SV2B: variants seen among roughly 807,000 people sequenced by gnomAD.
The protein encoded by SV2B is solute carrier family 22 member B2.
In SV2B, 41 loss-of-function variants were observed where a neutral mutation model predicts 73.9. The observed-to-expected ratio is 0.56, with a 90% CI of 0.43 to 0.72. The LOEUF (loss-of-function observed/expected upper bound fraction) is 0.72, where lower values mean the gene tolerates loss of function less well. Among genes scored for constraint, SV2B ranks in the 30% least tolerant of loss-of-function variants. The probability of loss-of-function intolerance (pLI) is 0.00; values close to 1 mark genes in which losing one functional copy is unlikely to be tolerated. For synonymous variants in SV2B, 314 were observed against 314.2 expected (o/e 1.00, Z 0.01); for missense variants, 764 against 857.8 (o/e 0.89, Z 1.37).
rs78804341 is a variant in SV2B, at chr15:91,258,325, G to A, written c.785-96G>A. On this transcript the variant is annotated intron_variant, in intron 4 of 12. Coordinates refer to ENST00000394232, the MANE Select transcript of SV2B (RefSeq NM_001323032.3). This position sits in a 1 kb window ranked among gnomAD's most constrained non-coding sequence, Gnocchi z 4.7. ...AACCACCTCCCCGGGTGACTCTCTT[G>A]TGCCCTGAAGTTTGTGAGCCAGGGC... 1.7e-5 allele frequency: 26 copies of A among 1,536,136 alleles called. No individual in the cohort carries two copies. The highest frequency in any genetic ancestry group is 5.3e-6 in the Non-Finnish European group (6 of 1,139,064).
rs956215393 is a variant in SV2B at position 91,137,277 on chromosome 15, T to A, written c.-392+36914T>A. Among the ~76,000 whole-genome samples the A allele has an allele frequency of 1.1e-4, 16 of 152,320 alleles. No individual in the cohort carries two copies. Among genetic ancestry groups the A allele is most frequent in the African/African-American group, 3.8e-4 (16 of 41,562 alleles). On this transcript the variant is annotated intron_variant, in intron 1 of 12. Coordinates refer to ENST00000394232, the MANE Select transcript of SV2B (RefSeq NM_001323032.3). The surrounding 1 kb of genome is among the most constrained non-coding windows in gnomAD (Gnocchi z 4.9). ...TAATCACCCCAGTTAATGAGTTGTT[T>A]AAGCCACCCTCATATTAGAGTCTAC...
At chr15:91,205,945 C>T (rs2045620959) in intron 1 of SV2B, among the ~76,000 whole-genome samples, 1 of 152,174 alleles carries the variant, frequency 6.6e-6, no homozygotes, top group Non-Finnish European at 1.5e-5. Context: ...AACTTTTCCC[C>T]TTGGCATGAT....
intron 1 of SV2B, among the ~76,000 whole-genome samples, chr15:91,208,904 C>G (rs533778256): frequency 6.6e-6 from 1 of 152,088 alleles, no homozygotes; most frequent in African/African-American, 2.4e-5. Flanking sequence ...CAATGGATTA[C>G]GTGGGTTTCC....
chr15:91,273,191 C>T (rs894936610), intron 9 of SV2B, among the ~76,000 whole-genome samples: 4 of 152,114 alleles, frequency 2.6e-5, no homozygotes, highest in African/African-American at 7.2e-5. Context: ...TAAAGCTCCT[C>T]GAAGATGCCA....
intron 1 of SV2B, among the ~76,000 whole-genome samples, chr15:91,209,983 T>C (rs573093108): frequency 3.9e-5 from 6 of 152,072 alleles, no homozygotes; most frequent in African/African-American, 1.2e-4. Context: ...CTAAGCTGAA[T>C]TGGGGAAGAG....
At chr15:91,191,713 A>G (rs981104575) in intron 1 of SV2B, among the ~76,000 whole-genome samples, 1 of 152,104 alleles carries the variant, frequency 6.6e-6, no homozygotes, top group Non-Finnish European at 1.5e-5. Flanking sequence ...TAACCTCTCC[A>G]TGTACTACTT....
intron 9 of SV2B, among the ~76,000 whole-genome samples, chr15:91,269,026 C>T (rs747646109): frequency 7.9e-5 from 12 of 152,038 alleles, no homozygotes; most frequent in Non-Finnish European, 1.5e-4. Context: ...ACAAATAAAG[C>T]CCTGTTGTTA....
At chr15:91,263,283 T>C (rs1385924060) in intron 6 of SV2B, among the ~76,000 whole-genome samples, 1 of 134,624 alleles carries the variant, frequency 7.4e-6, no homozygotes, top group Admixed American at 7.3e-5. Flanking sequence ...TGGACACACA[T>C]GAACACAGAC....
intron 1 of SV2B, among the ~76,000 whole-genome samples, chr15:91,148,824 A>G (rs920629502): frequency 6.6e-6 from 1 of 152,182 alleles, no homozygotes; most frequent in Non-Finnish European, 1.5e-5. Flanking sequence ...TCAGGCAGAG[A>G]GAATTCTTTC....
Position 91,261,677 on chromosome 15 carries a change from C to T in SV2B, c.1008+1268C>T, listed in dbSNP as rs1042002880. 4.6e-5 allele frequency among the ~76,000 whole-genome samples: 7 copies of T among 152,216 alleles called. No individual in the cohort carries two copies. The highest frequency in any genetic ancestry group is 8.8e-5 in the Non-Finnish European group (6 of 68,044). ...TACATTTCAACTGGGTTGTACCAAT[C>T]TACAATGCCACAGGCAATAGAGGAC... On this transcript the variant is annotated intron_variant, in intron 6 of 12. Transcript: ENST00000394232. This position sits in a 1 kb window ranked among gnomAD's most constrained non-coding sequence, Gnocchi z 4.7.
chr15:91,191,793 A>T (rs940665907), intron 1 of SV2B, among the ~76,000 whole-genome samples: 6 of 152,344 alleles, frequency 3.9e-5, no homozygotes, highest in Admixed American at 2.0e-4. Context: ...TGAGAATCTC[A>T]TCTTTTAATC....
Position 91,281,723 on chromosome 15 carries a change from C to A in SV2B, c.1374-5C>A, listed in dbSNP as rs368474280. ...AATCACTCAAGGGTCAACCTCTTCC[C>A]ACAGGTTCACAAGAATGTACTTTAA... On this transcript the variant is annotated splice_polypyrimidine_tract_variant and splice_region_variant and intron_variant, in intron 9 of 12. Transcript: ENST00000394232. This position sits in a 1 kb window ranked among gnomAD's most constrained non-coding sequence, Gnocchi z 4.7. 1.1e-5 allele frequency: 18 copies of A among 1,591,718 alleles called. No homozygotes were observed. The highest frequency in any genetic ancestry group is 2.7e-5 in the African/African-American group (2 of 73,970).
rs1344575634 is a variant in SV2B at position 91,204,180 on chromosome 15, C to T, written c.-391-21693C>T. ...ACTGCTCCCTCTGACCCTGCTATGT[C>T]CACCCGGTTCGCTTTTAAATTTAGA... On this transcript the variant is annotated intron_variant, in intron 1 of 12. Transcript: ENST00000394232. 7.9e-5 allele frequency among the ~76,000 whole-genome samples: 12 copies of T among 152,278 alleles called. No individual in the cohort carries two copies. The South Asian group carries it at 1.9e-3, about 24-fold the overall frequency.
chr15:91,103,987 CCT>C (rs755502903), intron 1 of SV2B, among the ~76,000 whole-genome samples: 13 of 152,246 alleles, frequency 8.5e-5, no homozygotes, highest in South Asian at 4.1e-4. Flanking sequence ...CCTGCAGACC[CCT>C]GTCATAACAG....
At chr15:91,116,208 C>A (rs1211441879) in intron 1 of SV2B, among the ~76,000 whole-genome samples, 1 of 152,138 alleles carries the variant, frequency 6.6e-6, no homozygotes, top group Non-Finnish European at 1.5e-5. Context: ...AGTAAAAAAT[C>A]CATCTCGGTG....
chr15:91,222,711 C>A (rs2046258031), intron 1 of SV2B, among the ~76,000 whole-genome samples: 1 of 152,216 alleles, frequency 6.6e-6, no homozygotes, highest in African/African-American at 2.4e-5. Context: ...AAGCCAAGCC[C>A]TGATATTGAT....
At chr15:91,191,664 A>G (rs1420243329) in intron 1 of SV2B, among the ~76,000 whole-genome samples, 2 of 152,186 alleles carry the variant, frequency 1.3e-5, no homozygotes, top group Non-Finnish European at 2.9e-5. Context: ...TTATCTTGCC[A>G]TTTGAAACAA....
chr15:91,219,149 A>G (rs2046134501), intron 1 of SV2B, among the ~76,000 whole-genome samples: 1 of 151,998 alleles, frequency 6.6e-6, no homozygotes, highest in African/African-American at 2.4e-5. Flanking sequence ...GGCTTTCTCC[A>G]TGTTGCCCAG....
At chr15:91,168,802 G>A (rs904660615) in intron 1 of SV2B, among the ~76,000 whole-genome samples, 2 of 152,166 alleles carry the variant, frequency 1.3e-5, no homozygotes, top group African/African-American at 4.8e-5. Flanking sequence ...AGAGATTTTA[G>A]TTCTAATCAG....
Sources: gnomAD v4.1 joint callset for allele counts (sites outside exome capture counted in the v4.1 genomes callset) on GRCh38, gnomAD v4.1.1 for gene constraint, Gnocchi (gnomAD v3.1) non-coding constraint, MANE v1.5 for transcripts, NCBI Gene and HGNC (gene_info 2026-07-23, HGNC 2026-07-21) for gene names.